The following AKAP12 variants were observed in gnomAD, a reference collection of about 807,000 sequenced individuals.
AKAP12 encodes the protein A-kinase anchoring protein 12.
AKAP12 carries 32 observed loss-of-function variants against 79.9 expected under a neutral mutation model. That is an observed-to-expected ratio of 0.40 (90% CI 0.30 to 0.54). The LOEUF (loss-of-function observed/expected upper bound fraction) is 0.54. Ranked by LOEUF, AKAP12 falls within the 20% of genes least tolerant of loss-of-function variation. The pLI, the probability that AKAP12 is intolerant of heterozygous loss-of-function variation, is 0.48. For synonymous variants in AKAP12, 808 were observed against 857.0 expected, an observed-to-expected ratio of 0.94 and a Z score of 1.00; for missense variants, 2,074 against 2,177.0, an observed-to-expected ratio of 0.95 and a Z score of 0.94.
Position 151,353,765 on chromosome 6 carries a change from G to A in AKAP12, c.*12+13G>A, listed in dbSNP as rs748199901. 3.3e-6 allele frequency: 5 copies of A among 1,497,838 alleles called. No individual in the cohort carries two copies. The African/African-American group carries it at 4.3e-5, about 13-fold the overall frequency. 92.8% of individuals were successfully genotyped at this position (1,497,838 alleles called of 1,614,324 possible). A position where few individuals can be genotyped will look rare whatever the true frequency, so the allele number is the denominator to read the frequency against. On this transcript the variant is annotated intron_variant, in intron 4 of 4. Transcript: ENST00000402676. ...AAACATCATGCAGGTAAGCTTCCTTGTCTTCTAAGATAATTTTTCTCTTTT... is the reference window on the plus strand; with the variant it reads ...AAACATCATGCAGGTAAGCTTCCTTATCTTCTAAGATAATTTTTCTCTTTT...
chr6:151,296,523 T>G (rs1243551750), intron 2 of AKAP12, among the ~76,000 whole-genome samples: 1 of 152,180 alleles, frequency 6.6e-6, no homozygotes, highest in Admixed American at 6.6e-5. Context: ...ATGCCTGAAA[T>G]CCCAACACCT....
chr6:151,242,595 G>T (rs886117995), intron 2 of AKAP12, among the ~76,000 whole-genome samples: 1 of 152,170 alleles, frequency 6.6e-6, no homozygotes, highest in Non-Finnish European at 1.5e-5. Flanking sequence ...CTTTTCAAAA[G>T]GACTCCCCAA....
At chr6:151,329,634 C>A (rs1777618453) in intron 3 of AKAP12, among the ~76,000 whole-genome samples, 1 of 152,156 alleles carries the variant, frequency 6.6e-6, no homozygotes. Context: ...GAAAAAAATA[C>A]CTTGCACATG....
intron 2 of AKAP12, among the ~76,000 whole-genome samples, chr6:151,276,473 G>A (rs1776293268): frequency 6.6e-6 from 1 of 152,222 alleles, no homozygotes; most frequent in Non-Finnish European, 1.5e-5. Context: ...CATGTCTGTA[G>A]TTTTTGCTTA....
chr6:151,339,753 C>A (rs1777901567), intron 3 of AKAP12, among the ~76,000 whole-genome samples: 1 of 152,114 alleles, frequency 6.6e-6, no homozygotes, highest in African/African-American at 2.4e-5. Flanking sequence ...TCCCTTCCTC[C>A]CCCAACCCCT....
intron 3 of AKAP12, among the ~76,000 whole-genome samples, chr6:151,326,992 T>G (rs926894348): frequency 2.0e-5 from 3 of 152,096 alleles, no homozygotes; most frequent in Non-Finnish European, 2.9e-5. Context: ...AATTTTTGTA[T>G]TTTTAGTAGA....
intron 2 of AKAP12, among the ~76,000 whole-genome samples, chr6:151,252,732 GAAAA>G (rs1185564468): frequency 9.4e-5 from 9 of 95,818 alleles, no homozygotes; most frequent in South Asian, 3.6e-4. Context: ...CTGTCTCTGG[GAAAA>G]AAAAAAAAAA....
intron 3 of AKAP12, among the ~76,000 whole-genome samples, chr6:151,337,839 T>C (rs1777855935): frequency 6.6e-6 from 1 of 152,042 alleles, no homozygotes. Context: ...GCTCAGGAGT[T>C]CAAGGCCAGC....
chr6:151,252,994 G>A (rs1797215298), intron 2 of AKAP12, among the ~76,000 whole-genome samples: 1 of 152,132 alleles, frequency 6.6e-6, no homozygotes, highest in Non-Finnish European at 1.5e-5. Flanking sequence ...CCCAGTGTCT[G>A]CCCTTTGGTT....
chr6:151,297,046 G>A (rs1442187469), intron 2 of AKAP12, among the ~76,000 whole-genome samples: 1 of 138,332 alleles, frequency 7.2e-6, no homozygotes, highest in African/African-American at 2.7e-5. Flanking sequence ...TGCCAGTCTG[G>A]ATTGCTGTTT....
chr6:151,281,352 G>A (rs895052116), intron 2 of AKAP12, among the ~76,000 whole-genome samples: 2 of 152,232 alleles, frequency 1.3e-5, no homozygotes, highest in Admixed American at 1.3e-4. Context: ...GAAGGATGGT[G>A]TTTTAAGTTT....
intron 2 of AKAP12, among the ~76,000 whole-genome samples, chr6:151,265,743 C>T (rs1797539844): frequency 6.6e-6 from 1 of 152,176 alleles, no homozygotes; most frequent in Non-Finnish European, 1.5e-5. Context: ...CCTTTCCCAT[C>T]CATCCCTCAT....
At chr6:151,281,241 AAT>A (rs930344988) in intron 2 of AKAP12, among the ~76,000 whole-genome samples, 12 of 152,192 alleles carry the variant, frequency 7.9e-5, no homozygotes, top group Admixed American at 6.5e-4. Flanking sequence ...GTTGCTAAAG[AAT>A]ATGTTTTTAC....
intron 2 of AKAP12, among the ~76,000 whole-genome samples, chr6:151,264,033 T>G (rs1303942447): frequency 6.6e-6 from 1 of 152,112 alleles, no homozygotes; most frequent in East Asian, 1.9e-4. Flanking sequence ...TCTGTTCTCA[T>G]CCCTGTCAAT....
At position 151,260,694 on chromosome 6, in the gene AKAP12, G is replaced by A. The variant is rs892156548; in HGVS notation, c.162+19970G>A. ...TACGTCTGAAACGAGAATTGATACT[G>A]CACATTTTTCTCTTTATTTTGGGTG... On this transcript the variant is annotated intron_variant, in intron 2 of 4. Coordinates refer to ENST00000402676, the MANE Select transcript of AKAP12 (RefSeq NM_005100.4). Among the ~76,000 whole-genome samples the A allele has an allele frequency of 3.2e-4, 48 of 152,116 alleles. 1 individual carries two copies. The highest frequency in any genetic ancestry group is 1.1e-3 in the African/African-American group (45 of 41,446).
intron 2 of AKAP12, among the ~76,000 whole-genome samples, chr6:151,289,318 T>G (rs1776567506): frequency 6.6e-6 from 1 of 152,208 alleles, no homozygotes; most frequent in South Asian, 2.1e-4. Context: ...CCTCTGCAAA[T>G]TCACCATACT....
Position 151,352,165 on chromosome 6 carries a change from G to T in AKAP12, c.3774G>T (p.Leu1258=). 6.2e-7 allele frequency: 1 copy of T among 1,614,168 alleles called. No individual in the cohort carries two copies. Among genetic ancestry groups the T allele is most frequent in the Non-Finnish European group, 8.5e-7 (1 of 1,180,044 alleles). Residue 1258 remains leucine, a synonymous_variant, in exon 4 of 5, where the codon CTG becomes CTT. Coordinates refer to ENST00000402676, the MANE Select transcript of AKAP12 (RefSeq NM_005100.4). ...TGTCAGTGGAAACTGTATCCATTCTGTCAAAGACTGAGGGGACTCAAGAGG... is the reference window on the plus strand; with the variant it reads ...TGTCAGTGGAAACTGTATCCATTCTTTCAAAGACTGAGGGGACTCAAGAGG... The part of the protein sequence containing the change: ...KEVSVETVSI[L]SKTEGTQEAD...
At chr6:151,348,496 G>C (rs1040630371) in intron 3 of AKAP12, 1 of 615,118 alleles carries the variant, frequency 1.6e-6, no homozygotes, top group South Asian at 1.7e-5. Flanking sequence ...AAACTTAGCT[G>C]GACATGGTGG....
intron 2 of AKAP12, among the ~76,000 whole-genome samples, chr6:151,255,455 C>T (rs964799796): frequency 2.0e-5 from 3 of 152,082 alleles, no homozygotes; most frequent in African/African-American, 4.8e-5. Flanking sequence ...GCCACCGCGC[C>T]TGGCTGGGAT....
Sources: gnomAD v4.1 joint callset for allele counts (sites outside exome capture counted in the v4.1 genomes callset) on GRCh38, gnomAD v4.1.1 for gene constraint, MANE v1.5 for transcripts, NCBI Gene and HGNC (gene_info 2026-07-23, HGNC 2026-07-21) for gene names.